The following PTP4A3 variants were observed in gnomAD, a reference collection of about 807,000 sequenced individuals.
PTP4A3 encodes the protein protein tyrosine phosphatase 4A3.
PTP4A3 carries 9 observed loss-of-function variants against 15.2 expected under a neutral mutation model. The ratio of observed to expected loss-of-function variants is 0.59; its 90% CI spans 0.36 to 1.03. The LOEUF (loss-of-function observed/expected upper bound fraction) is 1.03. PTP4A3 is among the 50% of genes least tolerant of loss of function. The pLI, the probability that PTP4A3 is intolerant of heterozygous loss-of-function variation, is 0.02. For synonymous variants in PTP4A3, 95 were observed against 102.0 expected (o/e 0.93, Z 0.41); for missense variants, 234 against 252.1 (o/e 0.93, Z 0.49).
At chr8:141,393,422 G>A (rs1346910131) in intron 1 of PTP4A3, among the ~76,000 whole-genome samples, 1 of 152,188 alleles carries the variant, frequency 6.6e-6, no homozygotes, top group African/African-American at 2.4e-5. Flanking sequence ...GAATTCCTGG[G>A]CTGTTTCCAA....
chr8:141,406,738 C>T lies in PTP4A3; in HGVS notation c.-853-14650C>T, dbSNP rs1219994113. Among the ~76,000 whole-genome samples, 1 of 152,198 alleles carries T rather than the reference C, an allele frequency of 6.6e-6. No homozygotes were observed. The highest frequency in any genetic ancestry group is 1.9e-4 in the East Asian group (1 of 5,188). On this transcript the variant is annotated intron_variant, in intron 1 of 5. Coordinates refer to ENST00000521578, the MANE Select transcript of PTP4A3 (RefSeq NM_032611.3). The surrounding 1 kb of genome is among the most constrained non-coding windows in gnomAD (Gnocchi z 4.5). ...TTGCCTGCATGCCACCGACAGCCCGCCTCTTCTTTCCATCTTAATCCATCT... is the reference window on the plus strand; with the variant it reads ...TTGCCTGCATGCCACCGACAGCCCGTCTCTTCTTTCCATCTTAATCCATCT...
chr8:141,401,689 G>A (rs1029391189), intron 1 of PTP4A3, among the ~76,000 whole-genome samples: 1 of 152,174 alleles, frequency 6.6e-6, no homozygotes, highest in Non-Finnish European at 1.5e-5. Flanking sequence ...AGGGGCCCCG[G>A]GCCTGTGAGG....
At chr8:141,403,805 C>T (rs757320884) in intron 1 of PTP4A3, among the ~76,000 whole-genome samples, 28 of 152,278 alleles carry the variant, frequency 1.8e-4, no homozygotes, top group East Asian at 3.8e-4. Flanking sequence ...CCTGCCACCA[C>T]GCACTTCAAA....
chr8:141,421,200 G>A (rs181400908), intron 1 of PTP4A3, among the ~76,000 whole-genome samples, 188 bp from the exon 2 acceptor site: 47 of 152,360 alleles, frequency 3.1e-4, no homozygotes, highest in African/African-American at 1.1e-3. Context: ...CCTGGCAGGA[G>A]CCGTGCTTCC....
chr8:141,399,344 G>A (rs1025415756), intron 1 of PTP4A3, among the ~76,000 whole-genome samples: 7 of 152,166 alleles, frequency 4.6e-5, no homozygotes, highest in African/African-American at 1.7e-4. Flanking sequence ...AGCCGCAGAG[G>A]CCCTTCCTCC....
chr8:141,420,415 G>A (rs181306954), intron 1 of PTP4A3, among the ~76,000 whole-genome samples: 82 of 152,310 alleles, frequency 5.4e-4, no homozygotes, highest in African/African-American at 1.6e-3. Flanking sequence ...CAGCCCTTCC[G>A]TAGAGAGGGA....
At chr8:141,400,655 A>C (rs1832567870) in intron 1 of PTP4A3, among the ~76,000 whole-genome samples, 1 of 152,170 alleles carries the variant, frequency 6.6e-6, no homozygotes, top group South Asian at 2.1e-4. Context: ...CCGCTGGCAG[A>C]ACCCTGGGTC....
At chr8:141,417,955 G>A (rs1316675949) in intron 1 of PTP4A3, among the ~76,000 whole-genome samples, 5 of 151,830 alleles carry the variant, frequency 3.3e-5, no homozygotes, top group African/African-American at 1.2e-4. Flanking sequence ...CCCCGACCCA[G>A]GGCCAGCACC....
chr8:141,425,160 G>T lies in PTP4A3; in HGVS notation c.198+20G>T. ...GTTGTGGTGAGGCGCGCGCCACGGG[G>T]ACCCTAGTCACTGCTGCCACCGGGG... On this transcript the variant is annotated intron_variant, in intron 3 of 5. Coordinates refer to ENST00000521578, the MANE Select transcript of PTP4A3 (RefSeq NM_032611.3). This position sits in a 1 kb window ranked among gnomAD's most constrained non-coding sequence, Gnocchi z 4.2. 3 of 717,780 alleles carry T rather than the reference G, an allele frequency of 4.2e-6. No homozygotes were observed. Among genetic ancestry groups the T allele is most frequent in the Non-Finnish European group, 6.9e-6 (3 of 434,758 alleles). The allele number at this position is 717,780 out of a possible 1,614,324, so 44.5% of individuals were successfully genotyped here.
At chr8:141,424,660 G>C (rs553295066) in intron 2 of PTP4A3, among the ~76,000 whole-genome samples, 33 of 152,112 alleles carry the variant, frequency 2.2e-4, no homozygotes, top group Admixed American at 3.9e-4. Flanking sequence ...GGGCAGCTGG[G>C]GTCCCAGCTG....
At chr8:141,417,473 C>T (rs1044257522) in intron 1 of PTP4A3, among the ~76,000 whole-genome samples, 23 of 152,108 alleles carry the variant, frequency 1.5e-4, no homozygotes, top group African/African-American at 5.1e-4. Flanking sequence ...AGGACAGCAC[C>T]TGCACGGCGG....
chr8:141,430,932 G>A lies in PTP4A3; in HGVS notation c.410G>A (p.Arg137His), dbSNP rs758854358. 14 of 1,613,168 alleles carry A rather than the reference G, an allele frequency of 8.7e-6. No homozygotes were observed. Among genetic ancestry groups the A allele is most frequent in the South Asian group, 1.1e-5 (1 of 91,086 alleles). Residue 137 changes from arginine to histidine, a missense_variant, in exon 6 of 6, where the codon CGC (arginine) becomes CAC (histidine). Coordinates refer to ENST00000521578, the MANE Select transcript of PTP4A3 (RefSeq NM_032611.3). ...TCCTGTTCCCCTCTTCCCAGGAAGC[G>A]CCGCGGAGCCATCAACAGCAAGCAG... Reference protein sequence around the residue: ...EDAIQFIRQKRRGAINSKQLT... With the variant: ...EDAIQFIRQKHRGAINSKQLT...
chr8:141,413,147 GT>G (rs1832913727), intron 1 of PTP4A3, among the ~76,000 whole-genome samples: 1 of 152,226 alleles, frequency 6.6e-6, no homozygotes, highest in African/African-American at 2.4e-5. Context: ...GGTAGGGGCT[GT>G]GCCTGGTGTG....
intron 1 of PTP4A3, among the ~76,000 whole-genome samples, chr8:141,414,580 TGAG>T (rs1306923852): frequency 1.4e-5 from 2 of 141,614 alleles, no homozygotes; most frequent in South Asian, 2.1e-4. Flanking sequence ...GGCAGGTGGC[TGAG>T]GAGAATGCGG....
chr8:141,396,097 G>A (rs766975560), intron 1 of PTP4A3, among the ~76,000 whole-genome samples: 6 of 152,240 alleles, frequency 3.9e-5, no homozygotes, highest in South Asian at 4.1e-4. Flanking sequence ...CCCGTGCCAT[G>A]TGAAGGTGGG....
intron 1 of PTP4A3, chr8:141,392,371 C>G (rs960851748): frequency 1.3e-5 from 2 of 152,156 alleles, no homozygotes; most frequent in Non-Finnish European, 2.9e-5. Context: ...AAGGGGGTGA[C>G]CCGCTCCCGT....
Position 141,431,837 on chromosome 8 carries a change from C to T in PTP4A3, c.*793C>T, listed in dbSNP as rs1180353500. The T allele has an allele frequency of 2.0e-5, 3 of 152,384 alleles. No homozygotes were observed. The highest frequency in any genetic ancestry group is 7.2e-5 in the African/African-American group (3 of 41,464). The allele number at this position is 152,384 out of a possible 1,614,324, so 9.4% of individuals were successfully genotyped here. On this transcript the variant is annotated 3_prime_UTR_variant, in exon 6 of 6. Coordinates refer to ENST00000521578, the MANE Select transcript of PTP4A3 (RefSeq NM_032611.3). ...GGATGGGCTGGGATTCATTTGGCAG[C>T]TTCTCAGGGCCTGTGTCCGGCTGGT...
rs371648082 is a variant in PTP4A3 at position 141,422,247 on chromosome 8, C to T, written c.7C>T (p.Arg3Trp). The change falls in exon 2 of 6, where the codon CGG becomes TGG. Residue 3 changes from arginine (R) to tryptophan (W), a missense_variant. Arg to Trp is a moderately radical substitution (Grantham distance 101). Coordinates refer to ENST00000521578, the MANE Select transcript of PTP4A3 (RefSeq NM_032611.3). MARMNRPAPVEVS... is the reference protein window; with the variant it reads MAWMNRPAPVEVS... ...GGGCCCGTCGGGAGGCGCCATGGCT[C>T]GGATGAACCGCCCGGCCCCGGTGGA... is the stretch of plus-strand genomic sequence containing the variant. The T allele has an allele frequency of 1.1e-5, 17 of 1,612,860 alleles. No homozygotes were observed. Among genetic ancestry groups the T allele is most frequent in the East Asian group, 8.9e-5 (4 of 44,884 alleles).
rs1833608937 is a variant in PTP4A3, at chr8:141,427,060, G to A, written c.320G>A (p.Gly107Asp). 6.3e-7 allele frequency: 1 copy of A among 1,598,744 alleles called. No individual in the cohort carries two copies. Among genetic ancestry groups the A allele is most frequent in the Non-Finnish European group, 8.5e-7 (1 of 1,179,498 alleles). The part of the protein sequence containing the change: ...GSCVAVHCVA[G>D]LGRAPVLVAL... ...TGCGTGGCTGTGCACTGCGTGGCGG[G>A]CCTGGGCCGGTGAGTGTCGGGGCGG... is the stretch of plus-strand genomic sequence containing the variant. Residue 107 changes from glycine to aspartate, a missense_variant, in exon 4 of 6, where the codon GGC (glycine) becomes GAC (aspartate). Coordinates refer to ENST00000521578, the MANE Select transcript of PTP4A3 (RefSeq NM_032611.3).
Sources: gnomAD v4.1 joint callset for allele counts (sites outside exome capture counted in the v4.1 genomes callset) on GRCh38, gnomAD v4.1.1 for gene constraint, Gnocchi (gnomAD v3.1) non-coding constraint, MANE v1.5 for transcripts, NCBI Gene and HGNC (gene_info 2026-07-23, HGNC 2026-07-21) for gene names.